Variants in REDIC1 observed in about 807,000 individuals in gnomAD.
The protein encoded by REDIC1 is regulator of DNA class I crossover intermediates 1, also known as HEI10 Interacting Protein 1.
At chr12:39,675,231 GAACC>G in the REDIC1 span, among the ~76,000 whole-genome samples, 1 of 152,140 alleles carries the variant, frequency 6.6e-6, no homozygotes, top group Non-Finnish European at 1.5e-5. Context: ...ATTGGCCTGA[GAACC>G]ACCCCCATCC....
At chr12:39,809,124 C>G in the REDIC1 span, among the ~76,000 whole-genome samples, 1 of 152,074 alleles carries the variant, frequency 6.6e-6, no homozygotes, top group African/African-American at 2.4e-5. Flanking sequence ...CCACCTTCAC[C>G]CGCAATGTAG....
At chr12:39,679,135 T>C in the REDIC1 span, among the ~76,000 whole-genome samples, 2,477 of 152,192 alleles carry the variant, frequency 0.016, 65 homozygotes, top group African/African-American at 0.054. Flanking sequence ...CTATTGTACG[T>C]AGTACTGGAA....
the REDIC1 span, among the ~76,000 whole-genome samples, chr12:39,701,883 G>A: frequency 6.6e-6 from 1 of 152,026 alleles, no homozygotes; most frequent in Non-Finnish European, 1.5e-5. Context: ...GATGTTCTTT[G>A]AAACCAACGA....
chr12:39,865,877 G>A, the REDIC1 span, among the ~76,000 whole-genome samples: 94,491 of 152,044 alleles, frequency 0.62, 29,660 homozygotes, highest in East Asian at 0.76. Flanking sequence ...GGATTACTTG[G>A]GGGTAGAGGG....
the REDIC1 span, among the ~76,000 whole-genome samples, chr12:39,673,263 TC>T: frequency 6.6e-6 from 1 of 152,198 alleles, no homozygotes; most frequent in South Asian, 2.1e-4. Context: ...TGGAAAAGTG[TC>T]CTATGCCTCT....
the REDIC1 span, chr12:39,683,435 C>G: frequency 6.2e-7 from 1 of 1,600,504 alleles, no homozygotes; most frequent in Non-Finnish European, 8.5e-7. Context: ...AAATGATTAC[C>G]AAGAGAAGAC....
the REDIC1 span, among the ~76,000 whole-genome samples, chr12:39,849,511 T>C: frequency 1.3e-5 from 2 of 152,200 alleles, no homozygotes; most frequent in East Asian, 1.9e-4. Flanking sequence ...AGGCTGTTTA[T>C]TGAGGTGCTC....
the REDIC1 span, among the ~76,000 whole-genome samples, chr12:39,729,871 A>G: frequency 6.6e-6 from 1 of 152,188 alleles, no homozygotes; most frequent in Admixed American, 6.5e-5. Flanking sequence ...TATTTAGGAT[A>G]GTTAGCTCTT....
At chr12:39,830,044 A>G in the REDIC1 span, 3 of 1,607,408 alleles carry the variant, frequency 1.9e-6, no homozygotes, top group South Asian at 3.3e-5. Flanking sequence ...TGAAAACTTA[A>G]ACATAAGCCT....
chr12:39,758,919 A>G, the REDIC1 span: 1 of 152,198 alleles, frequency 6.6e-6, no homozygotes, highest in African/African-American at 2.4e-5. Flanking sequence ...CCTTAGGAAG[A>G]GCTAATAAAA....
chr12:39,685,112 C>T, the REDIC1 span, among the ~76,000 whole-genome samples: 2 of 152,100 alleles, frequency 1.3e-5, no homozygotes, highest in Admixed American at 1.3e-4. Context: ...AATAAAAACA[C>T]GTTTTCAGAG....
At chr12:39,760,293 GA>G in the REDIC1 span, 1 of 1,532,558 alleles carries the variant, frequency 6.5e-7, no homozygotes, top group African/African-American at 1.4e-5. Flanking sequence ...TGAATATATA[GA>G]GAGAGGCTTA....
chr12:39,712,080 GTA>G, the REDIC1 span, among the ~76,000 whole-genome samples: 1 of 79,532 alleles, frequency 1.3e-5, no homozygotes, highest in East Asian at 3.6e-4. Context: ...ATACCGGTAT[GTA>G]TATATACATA....
At chr12:39,692,029 AC>A in the REDIC1 span, 1 of 1,551,118 alleles carries the variant, frequency 6.4e-7, no homozygotes, top group Non-Finnish European at 8.8e-7. Context: ...GGAATTGTTA[AC>A]ATTTTGGTTT....
the REDIC1 span, among the ~76,000 whole-genome samples, chr12:39,712,862 TAC>T: frequency 2.1e-4 from 3 of 14,024 alleles, no homozygotes; most frequent in South Asian, 2.4e-3. Context: ...CATATGTATA[TAC>T]ACGTATATAC....
chr12:39,901,341 G>T, the REDIC1 span, among the ~76,000 whole-genome samples: 63,089 of 150,624 alleles, frequency 0.42, 13,589 homozygotes, highest in East Asian at 0.76. Flanking sequence ...ATTGACAAAT[G>T]GGATCTAATT....
At chr12:39,780,741 G>A in the REDIC1 span, among the ~76,000 whole-genome samples, 1 of 152,164 alleles carries the variant, frequency 6.6e-6, no homozygotes, top group Non-Finnish European at 1.5e-5. Context: ...AATGCAATAA[G>A]ATGGCAGTGT....
chr12:39,683,353 A>T, the REDIC1 span: 1 of 1,286,338 alleles, frequency 7.8e-7, no homozygotes, highest in African/African-American at 1.5e-5. Flanking sequence ...TATGCTTTGA[A>T]TTAAAAAATG....
At chr12:39,808,913 T>C in the REDIC1 span, among the ~76,000 whole-genome samples, 3 of 152,150 alleles carry the variant, frequency 2.0e-5, no homozygotes, top group Non-Finnish European at 4.4e-5. Flanking sequence ...ACAATTTTAA[T>C]TTTAATGAAC....
Sources: gnomAD v4.1 joint callset for allele counts (sites outside exome capture counted in the v4.1 genomes callset) on GRCh38, gnomAD v4.1.1 for gene constraint, MANE v1.5 for transcripts, NCBI Gene and HGNC (gene_info 2026-07-23, HGNC 2026-07-21) for gene names.